The following LY75 variants were observed in gnomAD, a reference collection of about 807,000 sequenced individuals.
LY75 encodes C-type lectin domain family 13 member B.
Under a neutral mutation model 231.7 loss-of-function variants are expected in LY75, and 185 were observed. The observed-to-expected ratio is 0.80, with a 90% CI of 0.71 to 0.90. The LOEUF (loss-of-function observed/expected upper bound fraction) is 0.90. Ranked by LOEUF, LY75 falls within the 40% of genes least tolerant of loss-of-function variation. The pLI is 0.00. For synonymous variants in LY75, 668 were observed against 689.0 expected, an observed-to-expected ratio of 0.97 and a Z score of 0.48; for missense variants, 1,947 against 2,050.2, an observed-to-expected ratio of 0.95 and a Z score of 0.97.
At chr2:159,838,653 C>A (rs977309660) in intron 25 of LY75, among the ~76,000 whole-genome samples, 1 of 152,136 alleles carries the variant, frequency 6.6e-6, no homozygotes, top group African/African-American at 2.4e-5. Context: ...TCACAACAGA[C>A]ACAACAAAGC....
At chr2:159,842,143 C>T in intron 24 of LY75, 102 bp downstream of exon 24, 2 of 1,397,400 alleles carry the variant, frequency 1.4e-6, no homozygotes, top group Non-Finnish European at 1.9e-6. Flanking sequence ...AATTTTTCAA[C>T]CTATGTTCCC....
intron 31 of LY75, among the ~76,000 whole-genome samples, chr2:159,811,913 C>A (rs1278619437): frequency 6.6e-6 from 1 of 152,232 alleles, no homozygotes; most frequent in Non-Finnish European, 1.5e-5. Context: ...TTCATCTATA[C>A]AATCTATAAA....
intron 21 of LY75, among the ~76,000 whole-genome samples, chr2:159,850,759 G>A (rs1270872778): frequency 1.1e-4 from 6 of 54,952 alleles, no homozygotes; most frequent in Non-Finnish European, 1.5e-4. Flanking sequence ...ACTGAAGAGC[G>A]GTCTTCAAAC....
At position 159,842,226 on chromosome 2, in the gene LY75, T is replaced by C. The variant is rs949816382; in HGVS notation, c.3280+19A>G. 1.3e-5 allele frequency: 21 copies of C among 1,604,268 alleles called. No homozygotes were observed. The highest frequency in any genetic ancestry group is 2.7e-5 in the African/African-American group (2 of 73,186). On this transcript the variant is annotated intron_variant, in intron 24 of 34. Coordinates refer to ENST00000263636, the MANE Select transcript of LY75 (RefSeq NM_002349.4). ...GTAATAGCATAAAGTACCATAGTTATCTAGATAATAATTGTTACCTGAATA... is the reference window on the plus strand; with the variant it reads ...GTAATAGCATAAAGTACCATAGTTACCTAGATAATAATTGTTACCTGAATA...
At chr2:159,828,554 G>C (rs139092053) in intron 28 of LY75, among the ~76,000 whole-genome samples, 193 of 152,246 alleles carry the variant, frequency 1.3e-3, no homozygotes, top group African/African-American at 4.4e-3. Context: ...AATGGAAAAT[G>C]GTATAGCTGG....
chr2:159,891,136 C>G (rs1685742482), intron 3 of LY75, among the ~76,000 whole-genome samples: 2 of 152,104 alleles, frequency 1.3e-5, no homozygotes, highest in South Asian at 4.1e-4. Flanking sequence ...AAGTGCATCC[C>G]AGGCTCCAAC....
intron 11 of LY75, among the ~76,000 whole-genome samples, chr2:159,876,689 G>A (rs775558984): frequency 2.0e-5 from 3 of 151,934 alleles, no homozygotes; most frequent in Non-Finnish European, 4.4e-5. Flanking sequence ...TATCAAGAAC[G>A]TCACCTTTAC....
intron 29 of LY75, among the ~76,000 whole-genome samples, chr2:159,818,416 A>G (rs1683187262): frequency 6.6e-6 from 1 of 152,210 alleles, no homozygotes; most frequent in African/African-American, 2.4e-5. Flanking sequence ...AGAAAAACAT[A>G]CGCCAACCCA....
intron 28 of LY75, among the ~76,000 whole-genome samples, chr2:159,826,281 C>A (rs1453287021): frequency 6.6e-6 from 1 of 152,084 alleles, no homozygotes; most frequent in Non-Finnish European, 1.5e-5. Context: ...AATCAATGTG[C>A]AAAAATCACA....
intron 28 of LY75, among the ~76,000 whole-genome samples, chr2:159,821,724 C>T (rs569743120): frequency 6.6e-6 from 1 of 151,366 alleles, no homozygotes; most frequent in South Asian, 2.1e-4. Context: ...AAAAGAAAAA[C>T]ACTTTTGTGA....
rs1229625300 is a variant in LY75, at chr2:159,850,079, A to G, written c.3051T>C (p.Thr1017=). ...EATLWIGLRW[T]AYEKINKWTD... ...TCCATTTGTTTATCTTTTCATAGGC[A>G]GTCCAGCGCAAACCAATCCATAAAG... Residue 1017 remains threonine (T), a synonymous_variant, in exon 23 of 35, where the codon ACT becomes ACC. Coordinates refer to ENST00000263636, the MANE Select transcript of LY75 (RefSeq NM_002349.4). 1.9e-6 allele frequency: 3 copies of G among 1,613,902 alleles called. No individual in the cohort carries two copies. In the South Asian group the frequency reaches 3.3e-5, roughly 18 times the overall value.
Position 159,892,153 on chromosome 2 carries a change from T to C in LY75, c.637+1761A>G, listed in dbSNP as rs144190794. Among the ~76,000 whole-genome samples, 576 of 152,300 alleles carry C rather than the reference T, an allele frequency of 3.8e-3. 6 individuals are homozygous for C. Among genetic ancestry groups the C allele is most frequent in the African/African-American group, 0.013 (537 of 41,558 alleles). On this transcript the variant is annotated intron_variant, in intron 3 of 34. Transcript: ENST00000263636. The stretch of plus-strand genomic sequence containing the variant: ...AATCAGAATCTCTGGGCCCTAGATA[T>C]CTGTGTTCTAACAAACTCTCCATGT...
chr2:159,902,333 T>C (rs562212816), intron 1 of LY75: 1 of 152,330 alleles, frequency 6.6e-6, no homozygotes, highest in East Asian at 1.9e-4. Context: ...AATTCTCCAG[T>C]GGTGTTTGAG....
At position 159,810,547 on chromosome 2, in the gene LY75, T is replaced by G; in HGVS notation, c.4678A>C (p.Lys1560Gln). Residue 1560 changes from lysine (K) to glutamine (Q), a missense_variant, in exon 32 of 35, where the codon AAA becomes CAA. Coordinates refer to ENST00000263636, the MANE Select transcript of LY75 (RefSeq NM_002349.4). ...DQALHSFSEA[K>Q]KLCSKHDHSA... ...TCACCATGTTTTGAACACAATTTTT[T>G]GGCCTCTGAAAAACTGTGCAATGCC... 1 of 1,613,262 alleles carries G rather than the reference T, an allele frequency of 6.2e-7. No homozygotes were observed. The highest frequency in any genetic ancestry group is 8.5e-7 in the Non-Finnish European group (1 of 1,179,798).
Position 159,804,616 on chromosome 2 carries a change from A to G in LY75, c.*428T>C, listed in dbSNP as rs972190112. ...CAATGCTGATAGAGTTTACAGTTCA[A>G]TTTTTACTTTGAGGTACTAATTTTG... is the stretch of plus-strand genomic sequence containing the variant. On this transcript the variant is annotated 3_prime_UTR_variant, in exon 35 of 35. Transcript: ENST00000263636. 6.5e-6 allele frequency: 1 copy of G among 153,626 alleles called. No individual in the cohort carries two copies. The highest frequency in any genetic ancestry group is 2.0e-4 in the South Asian group (1 of 4,886). 9.5% of individuals were successfully genotyped at this position (153,626 alleles called of 1,614,324 possible). A position where few individuals can be genotyped will look rare whatever the true frequency, so the allele number is the denominator to read the frequency against.
intron 28 of LY75, among the ~76,000 whole-genome samples, chr2:159,831,382 T>G (rs958470395): frequency 3.3e-5 from 5 of 152,218 alleles, no homozygotes; most frequent in African/African-American, 1.2e-4. Context: ...GAACCGTGAC[T>G]CAATTAAAGC....
At chr2:159,830,719 A>T (rs937009805) in intron 28 of LY75, among the ~76,000 whole-genome samples, 1 of 151,468 alleles carries the variant, frequency 6.6e-6, no homozygotes, top group Non-Finnish European at 1.5e-5. Flanking sequence ...CTTCCCAAGT[A>T]ACTAGGCACA....
chr2:159,850,435 T>C lies in LY75; in HGVS notation c.2916A>G (p.Thr972=). 1 of 1,613,300 alleles carries C rather than the reference T, an allele frequency of 6.2e-7. No individual in the cohort carries two copies. Among genetic ancestry groups the C allele is most frequent in the Non-Finnish European group, 8.5e-7 (1 of 1,179,606 alleles). Residue 972 remains threonine (T), a synonymous_variant, in exon 22 of 35, where the codon ACA becomes ACG. Coordinates refer to ENST00000263636, the MANE Select transcript of LY75 (RefSeq NM_002349.4). ...GACAGGTATCGCTTGCTTGAGAAAA[T>C]GTGAGAGACACGGGTTTGATCTTTA... ...CFLKIKPVSL[T]FSQASDTCHS...
chr2:159,875,255 C>A (rs1357041327), intron 12 of LY75, among the ~76,000 whole-genome samples, 189 bp downstream of exon 12: 1 of 151,734 alleles, frequency 6.6e-6, no homozygotes, highest in Non-Finnish European at 1.5e-5. Flanking sequence ...AGGTAGGACA[C>A]GTGCAGGGTG....
Sources: gnomAD v4.1 joint callset for allele counts (sites outside exome capture counted in the v4.1 genomes callset) on GRCh38, gnomAD v4.1.1 for gene constraint, MANE v1.5 for transcripts, NCBI Gene and HGNC (gene_info 2026-07-23, HGNC 2026-07-21) for gene names.